Variants in SPAG9 observed in about 807,000 individuals in gnomAD.
The protein encoded by SPAG9 is C-Jun-amino-terminal kinase-interacting protein 4.
Under a neutral mutation model 166.5 loss-of-function variants are expected in SPAG9, and 35 were observed. The observed-to-expected ratio is 0.21, with a 90% CI of 0.16 to 0.28. SPAG9 has a LOEUF of 0.28. Ranked by LOEUF, SPAG9 falls within the 10% of genes least tolerant of loss-of-function variation. SPAG9 has a pLI of 1.00. For missense variants in SPAG9, 1,235 were observed against 1,603.3 expected, an observed-to-expected ratio of 0.77 and a Z score of 3.92; for synonymous variants, 534 against 565.5, an observed-to-expected ratio of 0.94 and a Z score of 0.79.
At chr17:51,000,359 A>T (rs1209263944) in intron 13 of SPAG9, among the ~76,000 whole-genome samples, 1 of 152,156 alleles carries the variant, frequency 6.6e-6, no homozygotes, top group African/African-American at 2.4e-5. Flanking sequence ...TCTTTACTTC[A>T]GTGAAGTAGT....
chr17:51,012,011 C>A (rs928004967), intron 9 of SPAG9, among the ~76,000 whole-genome samples: 7 of 152,156 alleles, frequency 4.6e-5, no homozygotes, highest in African/African-American at 1.7e-4. Context: ...ACACAGTGTA[C>A]AAATTATATT....
chr17:50,979,843 G>C lies in SPAG9; in HGVS notation c.3312C>G (p.Val1104=). ...QLAWVGDGVW[V]SIRLDSTLRL... is the part of the protein sequence containing the mutation. The stretch of plus-strand genomic sequence containing the variant: ...GGAGCGTAGAATCCAAGCGAATGGA[G>C]ACCCACACGCCATCCCCCACCCACG... The change falls in exon 26 of 30, where the codon GTC becomes GTG. Residue 1104 remains valine, a synonymous_variant. Coordinates refer to ENST00000262013, the MANE Select transcript of SPAG9 (RefSeq NM_001130528.3). 6.2e-7 allele frequency: 1 copy of C among 1,614,148 alleles called. No homozygotes were observed. The highest frequency in any genetic ancestry group is 8.5e-7 in the Non-Finnish European group (1 of 1,179,994).
At chr17:51,065,593 C>T (rs148912204) in intron 2 of SPAG9, among the ~76,000 whole-genome samples, 2 of 152,166 alleles carry the variant, frequency 1.3e-5, no homozygotes, top group African/African-American at 4.8e-5. Context: ...TGCCTCAACA[C>T]TTGGGCAAAA....
chr17:51,036,645 T>A (rs1286122638), intron 5 of SPAG9, among the ~76,000 whole-genome samples: 2 of 152,118 alleles, frequency 1.3e-5, no homozygotes, highest in African/African-American at 2.4e-5. Context: ...CATCATCCTG[T>A]TTAGGGTCTT....
At chr17:51,091,272 A>C (rs34675001) in intron 1 of SPAG9, among the ~76,000 whole-genome samples, 2 of 145,614 alleles carry the variant, frequency 1.4e-5, no homozygotes, top group Non-Finnish European at 3.0e-5. Context: ...GACCCTGTAT[A>C]CAAAAAAAAA....
intron 1 of SPAG9, among the ~76,000 whole-genome samples, chr17:51,089,663 T>TACAC (rs71149342): frequency 2.3e-4 from 18 of 78,300 alleles, no homozygotes; most frequent in African/African-American, 7.1e-4. Context: ...TATATATATA[T>TACAC]ACACATACAC....
chr17:50,992,962 G>A (rs540649366), intron 19 of SPAG9, among the ~76,000 whole-genome samples: 1 of 150,376 alleles, frequency 6.6e-6, no homozygotes, highest in African/African-American at 2.4e-5. Flanking sequence ...CGGGTGTAGT[G>A]GCTCGTGCCT....
At chr17:51,095,154 G>C (rs577755921) in intron 1 of SPAG9, among the ~76,000 whole-genome samples, 2 of 151,556 alleles carry the variant, frequency 1.3e-5, no homozygotes, top group African/African-American at 4.9e-5. Context: ...AAAATTAGCC[G>C]GGCGTGGTGG....
At chr17:51,106,494 G>A (rs1377372808) in intron 1 of SPAG9, among the ~76,000 whole-genome samples, 4 of 151,992 alleles carry the variant, frequency 2.6e-5, no homozygotes, top group African/African-American at 9.7e-5. Flanking sequence ...CATCCCCAGG[G>A]CTTAGAACAG....
In SPAG9 at chr17:51,045,077, G is replaced by C. The variant is rs568777789; in HGVS notation, c.590+2298C>G. Among the ~76,000 whole-genome samples the C allele has an allele frequency of 2.0e-5, 3 of 152,192 alleles. No homozygotes were observed. The South Asian group carries it at 6.2e-4, about 32-fold the overall frequency. On this transcript the variant is annotated intron_variant, in intron 4 of 29. Transcript: ENST00000262013. The stretch of plus-strand genomic sequence containing the variant: ...TTGATTTTTAAAACCACCCAACGGG[G>C]TAAGTCCCATCAGGAGAGAAAACTC...
intron 2 of SPAG9, among the ~76,000 whole-genome samples, chr17:51,076,982 T>TTATCTAGCTAGCTAGCTATCTAGCTATC: frequency 1.0e-5 from 1 of 99,500 alleles, no homozygotes; most frequent in East Asian, 2.9e-4. Context: ...TCTATCTATC[T>TTATCTAGCTAGCTAGCTATCTAGCTATC]TATCTAGCTA....
At chr17:50,978,425 A>G (rs1236044089) in intron 26 of SPAG9, among the ~76,000 whole-genome samples, 2 of 152,160 alleles carry the variant, frequency 1.3e-5, no homozygotes, top group East Asian at 3.9e-4. Context: ...CAGTTCAATC[A>G]TTTTTCATGA....
At chr17:51,115,355 A>C (rs2049254711) in intron 1 of SPAG9, among the ~76,000 whole-genome samples, 1 of 149,698 alleles carries the variant, frequency 6.7e-6, no homozygotes, top group Non-Finnish European at 1.5e-5. Flanking sequence ...CACCCAACTA[A>C]TTTTTTTTAT....
Position 51,022,943 on chromosome 17 carries a change from A to AAATAATAATAATAATAATAAT in SPAG9, c.784-1599_784-1579dup, listed in dbSNP as rs369538903. On this transcript the variant is annotated intron_variant, in intron 6 of 29. Coordinates refer to ENST00000262013, the MANE Select transcript of SPAG9 (RefSeq NM_001130528.3). ...GCAACAAGAGTGAAACTCCATCTCA[A>AAATAATAATAATAATAATAAT]AATAATAATAATAATAATAATAATA... Among the ~76,000 whole-genome samples the AAATAATAATAATAATAATAAT allele has an allele frequency of 4.3e-3, 619 of 143,202 alleles. 8 individuals are homozygous for AAATAATAATAATAATAATAAT. The highest frequency in any genetic ancestry group is 0.015 in the African/African-American group (571 of 38,720). 93.9% of individuals were successfully genotyped at this position (143,202 alleles called of 152,430 possible).
At chr17:51,035,282 T>C (rs1469427399) in intron 5 of SPAG9, among the ~76,000 whole-genome samples, 2 of 152,204 alleles carry the variant, frequency 1.3e-5, no homozygotes, top group Non-Finnish European at 2.9e-5. Context: ...ATTTCATAGC[T>C]TTGATGATTG....
chr17:50,990,360 GT>G, intron 20 of SPAG9, 89 bp downstream of exon 20: 1 of 993,876 alleles, frequency 1.0e-6, no homozygotes, highest in Non-Finnish European at 1.6e-6. Flanking sequence ...TTTCAACCTT[GT>G]TACTTAAGAT....
chr17:50,988,484 AAAT>A (rs1975252172), intron 21 of SPAG9, among the ~76,000 whole-genome samples: 1 of 152,238 alleles, frequency 6.6e-6, no homozygotes, highest in African/African-American at 2.4e-5. Flanking sequence ...AAAGAAAATA[AAAT>A]AATTCACTAA....
intron 1 of SPAG9, among the ~76,000 whole-genome samples, chr17:51,118,485 T>C (rs1275584528): frequency 6.6e-6 from 1 of 152,158 alleles, no homozygotes; most frequent in African/African-American, 2.4e-5. Flanking sequence ...TGACAGGAGT[T>C]TAAGGCTGGA....
chr17:51,051,036 A>AAT (rs2047167095), intron 3 of SPAG9, among the ~76,000 whole-genome samples: 3 of 151,192 alleles, frequency 2.0e-5, no homozygotes, highest in Admixed American at 6.6e-5. Context: ...TTAAAAATAA[A>AAT]AAAAAAACAA....
Sources: gnomAD v4.1 joint callset for allele counts (sites outside exome capture counted in the v4.1 genomes callset) on GRCh38, gnomAD v4.1.1 for gene constraint, MANE v1.5 for transcripts, NCBI Gene and HGNC (gene_info 2026-07-23, HGNC 2026-07-21) for gene names.